CUBN: variants seen among roughly 807,000 people sequenced by gnomAD.
The protein encoded by CUBN is cubilin, also known as 460 kDa receptor.
A neutral mutation model predicts 405.3 loss-of-function variants in CUBN; 282 were observed. That is an observed-to-expected ratio of 0.70 (90% CI 0.63 to 0.77). CUBN has a LOEUF of 0.77. Among genes scored for constraint, CUBN ranks in the 30% least tolerant of loss-of-function variants. CUBN has a pLI of 0.00. For missense variants in CUBN, 4,514 were observed against 4,475.2 expected (o/e 1.01, Z -0.25); for synonymous variants, 1,684 against 1,617.0 (o/e 1.04, Z -0.99).
intron 28 of CUBN, among the ~76,000 whole-genome samples, chr10:17,001,310 T>C (rs1040946697): frequency 6.6e-6 from 1 of 152,164 alleles, no homozygotes; most frequent in Non-Finnish European, 1.5e-5. Context: ...TTGCCACTGG[T>C]GCGCAGGAGG....
chr10:17,036,329 T>G (rs1834898829), intron 27 of CUBN, among the ~76,000 whole-genome samples: 1 of 152,094 alleles, frequency 6.6e-6, no homozygotes, highest in Admixed American at 6.5e-5. Flanking sequence ...TTGCTGAAAC[T>G]CAGAGGAAGC....
At chr10:17,027,348 G>T (rs1045277790) in intron 27 of CUBN, among the ~76,000 whole-genome samples, 5 of 152,080 alleles carry the variant, frequency 3.3e-5, no homozygotes, top group Non-Finnish European at 7.4e-5. Context: ...AATAACATGG[G>T]GAAATAGTCA....
chr10:16,954,632 T>C (rs186024487), intron 31 of CUBN, 84 bp from the exon 32 acceptor site: 14 of 1,395,046 alleles, frequency 1.0e-5, no homozygotes, highest in African/African-American at 1.4e-5. Flanking sequence ...CACGCCGATA[T>C]ACTAGTGGAT....
chr10:16,886,952 C>A (rs1443551154), intron 56 of CUBN, among the ~76,000 whole-genome samples: 1 of 152,174 alleles, frequency 6.6e-6, no homozygotes, highest in Non-Finnish European at 1.5e-5. Flanking sequence ...CCACACCTGG[C>A]TAATTTTGTA....
chr10:17,001,816 T>G (rs1833895484), intron 28 of CUBN, among the ~76,000 whole-genome samples: 1 of 152,214 alleles, frequency 6.6e-6, no homozygotes, highest in South Asian at 2.1e-4. Flanking sequence ...ATTCCTTCAA[T>G]TTCATTATTT....
intron 22 of CUBN, among the ~76,000 whole-genome samples, chr10:17,060,099 T>C (rs963511833): frequency 7.2e-5 from 11 of 151,796 alleles, no homozygotes; most frequent in African/African-American, 2.7e-4. Flanking sequence ...TCCTATTCTC[T>C]TTAACAATCC....
intron 17 of CUBN, among the ~76,000 whole-genome samples, chr10:17,072,598 A>C (rs1835765506): frequency 6.6e-6 from 1 of 152,164 alleles, no homozygotes; most frequent in Non-Finnish European, 1.5e-5. Flanking sequence ...ATGAGGAAGA[A>C]TACAGTAAAA....
At chr10:17,058,111 C>T (rs1445786439) in intron 22 of CUBN, among the ~76,000 whole-genome samples, 1 of 151,794 alleles carries the variant, frequency 6.6e-6, no homozygotes, top group East Asian at 1.9e-4. Context: ...GACAGAGAGA[C>T]TCCGTCTCAA....
At position 17,008,150 on chromosome 10, in the gene CUBN, CA is replaced by C. The variant is rs954862775; in HGVS notation, c.4168+11682del. ...TGGGAAATAGAATGACACCTCGTCT[CA>C]AAAAAAAAATTACAATTACACTTGA... On this transcript the variant is annotated intron_variant, in intron 28 of 66. Transcript: ENST00000377833. Among the ~76,000 whole-genome samples, 13 of 147,958 alleles carry C rather than the reference CA, an allele frequency of 8.8e-5. No homozygotes were observed. In the East Asian group the frequency reaches 1.2e-3, roughly 13 times the overall value.
intron 66 of CUBN, among the ~76,000 whole-genome samples, chr10:16,825,447 A>G (rs984918373): frequency 2.6e-5 from 4 of 152,220 alleles, no homozygotes; most frequent in African/African-American, 7.2e-5. Context: ...TTGAAATTGT[A>G]TCTCAATAAA....
At chr10:17,056,472 G>A (rs568308352) in intron 22 of CUBN, among the ~76,000 whole-genome samples, 3 of 152,138 alleles carry the variant, frequency 2.0e-5, no homozygotes, top group African/African-American at 7.2e-5. Flanking sequence ...ACCTGGGCAT[G>A]GTGGCGGGCG....
chr10:16,837,906 C>T (rs940792619), intron 62 of CUBN, among the ~76,000 whole-genome samples: 20 of 152,164 alleles, frequency 1.3e-4, no homozygotes, highest in African/African-American at 4.8e-4. Flanking sequence ...GACGGTGTCT[C>T]GTGCCCTGAA....
intron 54 of CUBN, among the ~76,000 whole-genome samples, chr10:16,892,119 GAAATAGCACTGATTC>G (rs563155250): frequency 9.8e-5 from 15 of 152,294 alleles, no homozygotes; most frequent in African/African-American, 3.4e-4. Flanking sequence ...CAAGAGATGT[GAAATAGCACTGATTC>G]ATAGCATTGG....
At chr10:17,027,853 A>T (rs1253736095) in intron 27 of CUBN, among the ~76,000 whole-genome samples, 2 of 152,198 alleles carry the variant, frequency 1.3e-5, no homozygotes, top group Admixed American at 1.3e-4. Flanking sequence ...TTTTATCATA[A>T]CTAGATTTTT....
At chr10:16,955,931 A>G (rs1441513179) in intron 31 of CUBN, among the ~76,000 whole-genome samples, 5 of 152,244 alleles carry the variant, frequency 3.3e-5, no homozygotes, top group Admixed American at 3.3e-4. Context: ...CCTGCCAACC[A>G]TTAGAATGTG....
chr10:17,018,880 C>G (rs182540368), intron 28 of CUBN, among the ~76,000 whole-genome samples: 3 of 151,320 alleles, frequency 2.0e-5, no homozygotes, highest in Non-Finnish European at 4.4e-5. Flanking sequence ...TAGCTAGACA[C>G]AGAGCGCTGA....
chr10:16,986,508 C>T (rs1430081531), intron 29 of CUBN, among the ~76,000 whole-genome samples: 1 of 152,174 alleles, frequency 6.6e-6, no homozygotes, highest in African/African-American at 2.4e-5. Flanking sequence ...AATGAAACGG[C>T]TGTTACACAG....
Position 17,021,672 on chromosome 10 carries a change from T to C in CUBN, c.4018-1689A>G, listed in dbSNP as rs748083950. Among the ~76,000 whole-genome samples the C allele has an allele frequency of 2.6e-5, 4 of 152,264 alleles. No individual in the cohort carries two copies. The East Asian group carries it at 5.8e-4, about 22-fold the overall frequency. On this transcript the variant is annotated intron_variant, in intron 27 of 66. Transcript: ENST00000377833. ...AAAAAAAATGTTATGACATGAAATATTGTTTGAAACATATTGATTTGAGTG... is the reference window on the plus strand; with the variant it reads ...AAAAAAAATGTTATGACATGAAATACTGTTTGAAACATATTGATTTGAGTG...
At chr10:16,827,306 G>GA (rs1838811986) in intron 66 of CUBN, among the ~76,000 whole-genome samples, 1 of 151,804 alleles carries the variant, frequency 6.6e-6, no homozygotes, top group Non-Finnish European at 1.5e-5. Flanking sequence ...TTGGTAAGTA[G>GA]AAAAAACACA....
Sources: allele counts gnomAD v4.1 joint callset (sites outside exome capture counted in the v4.1 genomes callset), GRCh38; gene constraint gnomAD v4.1.1; transcripts MANE v1.5; gene names NCBI Gene and HGNC (gene_info 2026-07-23, HGNC 2026-07-21).